Variants in ZNF710 observed in about 807,000 individuals in gnomAD.
ZNF710 encodes zinc finger protein 710.
In ZNF710, 13 loss-of-function variants were observed where a neutral mutation model predicts 50.6. That is an observed-to-expected ratio of 0.26 (90% CI 0.17 to 0.41). The LOEUF (loss-of-function observed/expected upper bound fraction) is 0.41. ZNF710 is among the 10% of genes least tolerant of loss of function. ZNF710 has a pLI of 1.00. For missense variants in ZNF710, 721 were observed against 936.6 expected, an observed-to-expected ratio of 0.77 and a Z score of 3.01; for synonymous variants, 383 against 397.0, an observed-to-expected ratio of 0.96 and a Z score of 0.42.
At chr15:90,038,740 T>TGTGTGTGTGTGTGTGTGTGTGTGTGTGA (rs150950322) in intron 1 of ZNF710, among the ~76,000 whole-genome samples, 5 of 148,528 alleles carry the variant, frequency 3.4e-5, no homozygotes, top group East Asian at 3.9e-4. Flanking sequence ...TGTGTGTGTG[T>TGTGTGTGTGTGTGTGTGTGTGTGTGTGA]GAGACATTGG....
chr15:90,034,428 CTGTGTGTGTGTGTGTGTGTGTGTGTGTG>C lies in ZNF710; in HGVS notation c.-28-32662_-28-32635del, dbSNP rs398028304. Among the ~76,000 whole-genome samples, 1 of 136,198 alleles carries C rather than the reference CTGTGTGTGTGTGTGTGTGTGTGTGTGTG, an allele frequency of 7.3e-6. No individual in the cohort carries two copies. Among genetic ancestry groups the C allele is most frequent in the Non-Finnish European group, 1.6e-5 (1 of 62,214 alleles). The allele number at this position is 136,198 out of a possible 152,430, so 89.4% of individuals were successfully genotyped here. On this transcript the variant is annotated intron_variant, in intron 1 of 4. Coordinates refer to ENST00000268154, the MANE Select transcript of ZNF710 (RefSeq NM_198526.4). This position sits in a 1 kb window ranked among gnomAD's most constrained non-coding sequence, Gnocchi z 4.0. Reference sequence around the variant, plus strand: ...AGCTGTCCTTCCTGTTTCCAAATTCCTGTGTGTGTGTGTGTGTGTGTGTGTGTGTGTGTGTGTGTGTGTGTGTATTCTG... The same window carrying C: ...AGCTGTCCTTCCTGTTTCCAAATTCCTGTGTGTGTGTGTGTGTGTATTCTG...
At chr15:90,053,467 C>G (rs1196192546) in intron 1 of ZNF710, among the ~76,000 whole-genome samples, 2 of 152,006 alleles carry the variant, frequency 1.3e-5, no homozygotes, top group Non-Finnish European at 2.9e-5. Context: ...TCCCACTCAG[C>G]CCCCCAAGTA....
At chr15:90,026,457 C>T (rs1382998649) in intron 1 of ZNF710, among the ~76,000 whole-genome samples, 2 of 152,006 alleles carry the variant, frequency 1.3e-5, no homozygotes, top group African/African-American at 4.8e-5. Context: ...TGCCCCTCTA[C>T]CCACCAAAGA....
chr15:90,018,431 G>A (rs1898515831), intron 1 of ZNF710, among the ~76,000 whole-genome samples: 2 of 152,144 alleles, frequency 1.3e-5, no homozygotes, highest in South Asian at 4.1e-4. Context: ...GCCTCCCAAA[G>A]TGCTGAGATT....
At chr15:90,052,290 G>A (rs1421395793) in intron 1 of ZNF710, among the ~76,000 whole-genome samples, 1 of 152,026 alleles carries the variant, frequency 6.6e-6, no homozygotes, top group African/African-American at 2.4e-5. Context: ...TTTTCCACCA[G>A]TGCATCTCTT....
At chr15:90,016,739 A>G (rs896580267) in intron 1 of ZNF710, among the ~76,000 whole-genome samples, 2 of 152,180 alleles carry the variant, frequency 1.3e-5, no homozygotes, top group Non-Finnish European at 2.9e-5. Flanking sequence ...TTTTTAACCA[A>G]CATTTCATTG....
chr15:90,067,977 T>G lies in ZNF710; in HGVS notation c.840T>G (p.Ile280Met). 6.2e-7 allele frequency: 1 copy of G among 1,614,166 alleles called. No homozygotes were observed. The highest frequency in any genetic ancestry group is 8.5e-7 in the Non-Finnish European group (1 of 1,180,032). ...QLDRLDINVQ[I>M]DDSYLVEAGD... is the part of the protein sequence containing the mutation. ...ATCGGCTGGACATCAACGTGCAGAT[T>G]GACGACTCCTATCTGGTGGAGGCGG... Residue 280 changes from isoleucine (I) to methionine (M), a missense_variant, in exon 2 of 5, where the codon ATT (isoleucine) becomes ATG (methionine). By Grantham distance (10) the Ile-to-Met change is conservative (BLOSUM62 1). Around this residue, in one of 3 missense-constraint regions of ZNF710, gnomAD observed 326 missense variants for 522.0 expected, o/e 0.62. Coordinates refer to ENST00000268154, the MANE Select transcript of ZNF710 (RefSeq NM_198526.4). This position sits in a 1 kb window ranked among gnomAD's most constrained non-coding sequence, Gnocchi z 8.1.
chr15:90,023,954 G>A (rs1268981041), intron 1 of ZNF710, among the ~76,000 whole-genome samples: 3 of 151,608 alleles, frequency 2.0e-5, no homozygotes, highest in Admixed American at 6.6e-5. Flanking sequence ...AGCCGAGATC[G>A]TGCCACTGCA....
intron 1 of ZNF710, among the ~76,000 whole-genome samples, chr15:90,053,162 T>C (rs761272131): frequency 1.3e-5 from 2 of 151,664 alleles, no homozygotes; most frequent in East Asian, 3.9e-4. Context: ...CATAGAAGAG[T>C]GTATTTTGGG....
chr15:90,054,248 G>A (rs1468100964), intron 1 of ZNF710, among the ~76,000 whole-genome samples: 1 of 152,126 alleles, frequency 6.6e-6, no homozygotes. Context: ...CAGAGCGGAG[G>A]ATGGGGTTGC....
intron 2 of ZNF710, among the ~76,000 whole-genome samples, chr15:90,071,886 G>A (rs578190899): frequency 6.6e-6 from 1 of 152,174 alleles, no homozygotes; most frequent in East Asian, 1.9e-4. Context: ...ATGTTGGCCA[G>A]CCTGGTCTCG....
chr15:90,020,168 G>A (rs1898571976), intron 1 of ZNF710, among the ~76,000 whole-genome samples: 1 of 152,226 alleles, frequency 6.6e-6, no homozygotes, highest in Non-Finnish European at 1.5e-5. Flanking sequence ...TCCCACTGCT[G>A]ACCGGCTCTT....
chr15:90,063,262 C>G (rs896907589), intron 1 of ZNF710, among the ~76,000 whole-genome samples: 3 of 152,174 alleles, frequency 2.0e-5, no homozygotes, highest in African/African-American at 7.2e-5. Flanking sequence ...TGGGGCCACA[C>G]GGGCCTGGCT....
At chr15:90,029,807 G>T (rs895273648) in intron 1 of ZNF710, among the ~76,000 whole-genome samples, 1 of 151,610 alleles carries the variant, frequency 6.6e-6, no homozygotes, top group Non-Finnish European at 1.5e-5. Context: ...TAGAGATGGG[G>T]TTTCACCATG....
At position 90,068,252 on chromosome 15, in the gene ZNF710, T is replaced by A; in HGVS notation, c.1115T>A (p.Leu372Gln). The change falls in exon 2 of 5, where the codon CTG becomes CAG. Residue 372 changes from leucine to glutamine, a missense_variant. Transcript: ENST00000268154. This position sits in a 1 kb window ranked among gnomAD's most constrained non-coding sequence, Gnocchi z 5.0. ...QTSHLKRHML[L>Q]HSEVKPYSCH... ...AGCCACCTCAAGCGCCACATGCTGC[T>A]GCACTCGGAGGTCAAGCCCTACAGC... is the stretch of plus-strand genomic sequence containing the variant. The A allele has an allele frequency of 6.2e-7, 1 of 1,613,346 alleles. No homozygotes were observed. Among genetic ancestry groups the A allele is most frequent in the Non-Finnish European group, 8.5e-7 (1 of 1,179,978 alleles).
intron 1 of ZNF710, among the ~76,000 whole-genome samples, chr15:90,058,561 C>A (rs185345032): frequency 7.2e-5 from 11 of 152,154 alleles, no homozygotes; most frequent in African/African-American, 2.7e-4. Flanking sequence ...AGAGACACTC[C>A]CGTGCTGGGC....
chr15:90,059,188 G>A lies in ZNF710; in HGVS notation c.-28-7922G>A, dbSNP rs1322691421. ...AGATGATGGGAAATTCACCCAGTTC[G>A]AGGGAAGGGCAGTCCTGGCAGGGGA... On this transcript the variant is annotated intron_variant, in intron 1 of 4. Coordinates refer to ENST00000268154, the MANE Select transcript of ZNF710 (RefSeq NM_198526.4). This position sits in a 1 kb window ranked among gnomAD's most constrained non-coding sequence, Gnocchi z 4.1. Among the ~76,000 whole-genome samples the A allele has an allele frequency of 2.0e-5, 3 of 152,206 alleles. No homozygotes were observed. The highest frequency in any genetic ancestry group is 6.6e-5 in the Admixed American group (1 of 15,266).
chr15:89,999,124 T>C (rs1897965773), upstream of ZNF710, among the ~76,000 whole-genome samples: 1 of 152,232 alleles, frequency 6.6e-6, no homozygotes, highest in Non-Finnish European at 1.5e-5. Context: ...TTCTCTCCCA[T>C]GCATTTGGCT....
intron 1 of ZNF710, among the ~76,000 whole-genome samples, chr15:90,042,820 T>C (rs926673054): frequency 1.3e-5 from 2 of 152,222 alleles, no homozygotes; most frequent in Non-Finnish European, 2.9e-5. Flanking sequence ...ACAGGAAATC[T>C]AAATCCAGGT....
Sources: allele counts gnomAD v4.1 joint callset (sites outside exome capture counted in the v4.1 genomes callset), GRCh38; gene constraint gnomAD v4.1.1; regional missense constraint gnomAD v4.1.1; non-coding constraint Gnocchi (gnomAD v3.1); transcripts MANE v1.5; gene names NCBI Gene and HGNC (gene_info 2026-07-23, HGNC 2026-07-21).